Variants in DTNB observed in about 807,000 individuals in gnomAD.
The protein encoded by DTNB is DTN-B.
A neutral mutation model predicts 90.7 loss-of-function variants in DTNB; 63 were observed. The ratio of observed to expected loss-of-function variants is 0.69; its 90% CI spans 0.57 to 0.86. DTNB has a LOEUF of 0.86. Ranked by LOEUF, DTNB falls within the 40% of genes least tolerant of loss-of-function variation. The pLI, the probability that DTNB is intolerant of heterozygous loss-of-function variation, is 0.00. For missense variants in DTNB, 744 were observed against 807.1 expected (o/e 0.92, Z 0.95); for synonymous variants, 277 against 286.7 (o/e 0.97, Z 0.34).
At chr2:25,486,763 A>G (rs1465118235) in intron 9 of DTNB, among the ~76,000 whole-genome samples, 1 of 152,212 alleles carries the variant, frequency 6.6e-6, no homozygotes, top group Non-Finnish European at 1.5e-5. Context: ...TTAATGCTAC[A>G]AATTATAGAA....
Position 25,387,318 on chromosome 2 carries a change from A to G in DTNB, c.1796T>C (p.Met599Thr). 1 of 1,611,508 alleles carries G rather than the reference A, an allele frequency of 6.2e-7. No individual in the cohort carries two copies. Among genetic ancestry groups the G allele is most frequent in the South Asian group, 1.1e-5 (1 of 90,974 alleles). The change falls in exon 18 of 21, where the codon ATG becomes ACG. Residue 599 changes from methionine to threonine, a missense_variant. Physicochemically the swap from Met to Thr is moderately conservative, Grantham distance 81. Coordinates refer to ENST00000406818, the MANE Select transcript of DTNB (RefSeq NM_021907.5). The surrounding 1 kb of genome is among the most constrained non-coding windows in gnomAD (Gnocchi z 4.5). ...LVAADSITNT[M>T]SSLVKELHSA... ...ATGGAGCTCCTTCACCAGGGATGACATGGTGTTGGTGATGGAGTCAGCTGC... is the reference window on the plus strand; with the variant it reads ...ATGGAGCTCCTTCACCAGGGATGACGTGGTGTTGGTGATGGAGTCAGCTGC...
At chr2:25,581,034 A>T (rs890097394) in intron 6 of DTNB, among the ~76,000 whole-genome samples, 6 of 152,232 alleles carry the variant, frequency 3.9e-5, no homozygotes, top group Non-Finnish European at 5.9e-5. Flanking sequence ...TCCCATATAC[A>T]TTATTTTATT....
At chr2:25,516,273 G>T (rs1302192427) in intron 9 of DTNB, among the ~76,000 whole-genome samples, 1 of 151,976 alleles carries the variant, frequency 6.6e-6, no homozygotes, top group Admixed American at 6.6e-5. Context: ...TTGAGACAGG[G>T]TTTCACTCTG....
At chr2:25,671,661 C>T (rs903833822) in intron 1 of DTNB, among the ~76,000 whole-genome samples, 2 of 152,218 alleles carry the variant, frequency 1.3e-5, no homozygotes, top group African/African-American at 2.4e-5. Flanking sequence ...AGAAATTTGT[C>T]TCTCGGGCAT....
intron 4 of DTNB, among the ~76,000 whole-genome samples, chr2:25,608,079 C>T (rs2067531428): frequency 6.6e-6 from 1 of 152,188 alleles, no homozygotes; most frequent in African/African-American, 2.4e-5. Flanking sequence ...GGTTTCACAG[C>T]AGATAAAAAC....
At chr2:25,665,957 T>A (rs530329455) in intron 1 of DTNB, among the ~76,000 whole-genome samples, 1 of 152,300 alleles carries the variant, frequency 6.6e-6, no homozygotes, top group South Asian at 2.1e-4. Context: ...CTTAAATCAA[T>A]ATCATGTAAA....
At chr2:25,522,867 A>T (rs1215852734) in intron 9 of DTNB, among the ~76,000 whole-genome samples, 1 of 151,894 alleles carries the variant, frequency 6.6e-6, no homozygotes, top group Admixed American at 6.6e-5. Context: ...CGCCCAGTTA[A>T]TTTTTGTATT....
chr2:25,444,465 G>A (rs1006517300), intron 12 of DTNB, among the ~76,000 whole-genome samples: 27 of 151,678 alleles, frequency 1.8e-4, no homozygotes, highest in Middle Eastern at 3.4e-3. Context: ...AACCTGGGAG[G>A]AGGAGGTTGC....
At chr2:25,502,250 C>A (rs919451753) in intron 9 of DTNB, among the ~76,000 whole-genome samples, 1 of 152,008 alleles carries the variant, frequency 6.6e-6, no homozygotes, top group Non-Finnish European at 1.5e-5. Context: ...AGTTTACCAG[C>A]AAAATGAGAC....
intron 8 of DTNB, among the ~76,000 whole-genome samples, chr2:25,571,577 T>G (rs1002720641): frequency 6.6e-6 from 1 of 151,940 alleles, no homozygotes; most frequent in Non-Finnish European, 1.5e-5. Context: ...CTTCTAAGAG[T>G]GCTCAAATCT....
intron 6 of DTNB, among the ~76,000 whole-genome samples, chr2:25,583,246 C>CAAA (rs55876799): frequency 2.1e-5 from 2 of 97,086 alleles, no homozygotes; most frequent in Non-Finnish European, 4.2e-5. Context: ...GATTCCGTCT[C>CAAA]AAAAAAAAAA....
chr2:25,601,005 C>A (rs2065765905), intron 5 of DTNB, among the ~76,000 whole-genome samples: 1 of 152,146 alleles, frequency 6.6e-6, no homozygotes, highest in Non-Finnish European at 1.5e-5. Context: ...TGAAATAATT[C>A]ATTACTTCTT....
intron 7 of DTNB, among the ~76,000 whole-genome samples, chr2:25,578,178 T>C (rs1452374276): frequency 6.6e-6 from 1 of 152,148 alleles, no homozygotes; most frequent in Admixed American, 6.5e-5. Flanking sequence ...AAATTGAGTA[T>C]GAGGTGATAA....
intron 1 of DTNB, among the ~76,000 whole-genome samples, chr2:25,654,522 C>A (rs571553902): frequency 3.9e-5 from 6 of 152,292 alleles, no homozygotes; most frequent in East Asian, 1.9e-4. Flanking sequence ...ATTTTAAAAA[C>A]GGTAAACATT....
chr2:25,635,210 A>C (rs2076888905), intron 3 of DTNB, among the ~76,000 whole-genome samples: 1 of 152,090 alleles, frequency 6.6e-6, no homozygotes, highest in African/African-American at 2.4e-5. Flanking sequence ...AGACAGGTGG[A>C]TCACTTGAGG....
chr2:25,653,517 T>TC (rs1361162966), intron 1 of DTNB, among the ~76,000 whole-genome samples: 5 of 134,602 alleles, frequency 3.7e-5, no homozygotes, highest in African/African-American at 1.1e-4. Context: ...CTTTCTTTCT[T>TC]TTTTTTTTTT....
At chr2:25,477,579 G>C (rs1268516470) in intron 10 of DTNB, among the ~76,000 whole-genome samples, 1 of 152,048 alleles carries the variant, frequency 6.6e-6, no homozygotes, top group Non-Finnish European at 1.5e-5. Flanking sequence ...TATGTCCCAA[G>C]TCAATACATC....
chr2:25,609,957 T>C (rs919190150), intron 4 of DTNB, among the ~76,000 whole-genome samples: 1 of 152,200 alleles, frequency 6.6e-6, no homozygotes, highest in Non-Finnish European at 1.5e-5. Context: ...ATTAAGTGCA[T>C]GAAAAGACAC....
At chr2:25,454,413 A>C (rs1017102551) in intron 11 of DTNB, among the ~76,000 whole-genome samples, 1 of 152,156 alleles carries the variant, frequency 6.6e-6, no homozygotes, top group Non-Finnish European at 1.5e-5. Flanking sequence ...TCAAAATTTA[A>C]AGCTTCAGCC....
Sources: allele counts gnomAD v4.1 joint callset (sites outside exome capture counted in the v4.1 genomes callset), GRCh38; gene constraint gnomAD v4.1.1; non-coding constraint Gnocchi (gnomAD v3.1); transcripts MANE v1.5; gene names NCBI Gene and HGNC (gene_info 2026-07-23, HGNC 2026-07-21).